CNTNAP2: variants seen among roughly 807,000 people sequenced by gnomAD.
The protein encoded by CNTNAP2 is contactin associated protein 2, also known as contactin-associated protein-like 2.
CNTNAP2 carries 98 observed loss-of-function variants against 155.2 expected under a neutral mutation model. The ratio of observed to expected loss-of-function variants is 0.63; its 90% confidence interval spans 0.54 to 0.75. The LOEUF (loss-of-function observed/expected upper bound fraction) is 0.75. CNTNAP2 is among the 30% of genes least tolerant of loss of function. CNTNAP2 has a pLI of 0.00. For synonymous variants in CNTNAP2, 651 were observed against 631.2 expected (o/e 1.03, Z -0.47); for missense variants, 1,727 against 1,688.1 (o/e 1.02, Z -0.40).
At chr7:146,185,290 GAGCAAGGAAC>G (rs1798607121) in intron 1 of CNTNAP2, among the ~76,000 whole-genome samples, 1 of 152,104 alleles carries the variant, frequency 6.6e-6, no homozygotes, top group African/African-American at 2.4e-5. Flanking sequence ...TGTTTAATTA[GAGCAAGGAAC>G]AGCAAACCAA....
intron 3 of CNTNAP2, among the ~76,000 whole-genome samples, chr7:146,872,389 GTAAA>G (rs748426715): frequency 1.3e-4 from 20 of 152,208 alleles, no homozygotes; most frequent in Non-Finnish European, 2.1e-4. Flanking sequence ...GTACTTTAAC[GTAAA>G]CCAATGCTGC....
At chr7:147,550,392 G>A (rs1301235044) in intron 11 of CNTNAP2, among the ~76,000 whole-genome samples, 1 of 152,138 alleles carries the variant, frequency 6.6e-6, no homozygotes. Context: ...TTATAAATAG[G>A]AGTTCCCCTG....
rs535600921 is a variant in CNTNAP2, at chr7:148,317,173, T to C, written c.3475+50047T>C. Among the ~76,000 whole-genome samples the C allele has an allele frequency of 5.9e-5, 9 of 152,232 alleles. No individual in the cohort carries two copies. The South Asian group carries it at 1.5e-3, about 25-fold the overall frequency. ...GAGTTTGAGACCATCCTGACCAACA[T>C]GGTGAAACTCTGTCTCTACAAAAAA... On this transcript the variant is annotated intron_variant, in intron 21 of 23. Transcript: ENST00000361727.
At chr7:147,360,802 C>G (rs1375691410) in intron 9 of CNTNAP2, among the ~76,000 whole-genome samples, 1 of 152,106 alleles carries the variant, frequency 6.6e-6, no homozygotes, top group Admixed American at 6.6e-5. Context: ...TTCCAACTCC[C>G]CATCCCTAAA....
chr7:147,632,505 G>A (rs1335103069), intron 12 of CNTNAP2, among the ~76,000 whole-genome samples: 1 of 152,140 alleles, frequency 6.6e-6, no homozygotes, highest in Non-Finnish European at 1.5e-5. Flanking sequence ...TTGCTGCCCT[G>A]TAAAGAGGTG....
At chr7:146,132,580 A>C (rs1294471746) in intron 1 of CNTNAP2, among the ~76,000 whole-genome samples, 4 of 99,336 alleles carry the variant, frequency 4.0e-5, no homozygotes, top group Admixed American at 1.4e-4. Flanking sequence ...CCCACCCCAC[A>C]ACAGTCCCCA....
intron 13 of CNTNAP2, among the ~76,000 whole-genome samples, chr7:147,845,189 C>A (rs1035033807): frequency 1.9e-5 from 2 of 105,066 alleles, no homozygotes; most frequent in African/African-American, 3.6e-5. Context: ...CCTCCTTGTA[C>A]CTCTGGTAGA....
intron 8 of CNTNAP2, among the ~76,000 whole-genome samples, chr7:147,210,935 G>A (rs1267498673): frequency 6.6e-6 from 1 of 151,530 alleles, no homozygotes; most frequent in Non-Finnish European, 1.5e-5. Context: ...TGATCTGAGA[G>A]AGTATGCTTC....
At chr7:146,134,468 A>G (rs1797766927) in intron 1 of CNTNAP2, among the ~76,000 whole-genome samples, 1 of 151,382 alleles carries the variant, frequency 6.6e-6, no homozygotes, top group Non-Finnish European at 1.5e-5. Flanking sequence ...GTGGTGAGAG[A>G]GGGCATCCCT....
chr7:146,927,619 A>C lies in CNTNAP2; in HGVS notation c.402+87715A>C, dbSNP rs974353383. 4.0e-5 allele frequency among the ~76,000 whole-genome samples: 6 copies of C among 149,620 alleles called. No homozygotes were observed. The East Asian group carries it at 1.2e-3, about 29-fold the overall frequency. ...ACTCCTGGAATAATAGCATGCATGCACTGCCTTTTTTTCGTTAAGGTAACA... is the reference window on the plus strand; with the variant it reads ...ACTCCTGGAATAATAGCATGCATGCCCTGCCTTTTTTTCGTTAAGGTAACA... On this transcript the variant is annotated intron_variant, in intron 3 of 23. Transcript: ENST00000361727.
At chr7:146,163,560 T>C (rs1798263413) in intron 1 of CNTNAP2, among the ~76,000 whole-genome samples, 1 of 129,918 alleles carries the variant, frequency 7.7e-6, no homozygotes, top group Admixed American at 7.6e-5. Context: ...TCTATATCTA[T>C]ATCTATCTAT....
chr7:146,981,805 T>G (rs1411572766), intron 3 of CNTNAP2, among the ~76,000 whole-genome samples: 2 of 152,154 alleles, frequency 1.3e-5, no homozygotes, highest in African/African-American at 2.4e-5. Flanking sequence ...TTAAATATTT[T>G]TATTTCAAAT....
chr7:146,912,638 C>T (rs955475509), intron 3 of CNTNAP2, among the ~76,000 whole-genome samples: 2 of 151,980 alleles, frequency 1.3e-5, no homozygotes, highest in Non-Finnish European at 2.9e-5. Flanking sequence ...AGAAAGAGTC[C>T]TTATTCTAAT....
At chr7:147,068,671 A>G (rs1016297494) in intron 4 of CNTNAP2, among the ~76,000 whole-genome samples, 3 of 152,084 alleles carry the variant, frequency 2.0e-5, no homozygotes, top group Non-Finnish European at 4.4e-5. Flanking sequence ...ACTCCATAAT[A>G]AATTTACTTT....
intron 17 of CNTNAP2, among the ~76,000 whole-genome samples, chr7:148,152,212 A>G (rs1231704526): frequency 2.0e-5 from 3 of 151,970 alleles, no homozygotes; most frequent in African/African-American, 7.2e-5. Flanking sequence ...ACAGCCAAGC[A>G]GAAGGACTGG....
At chr7:148,169,552 A>T (rs1414595397) in intron 17 of CNTNAP2, among the ~76,000 whole-genome samples, 2 of 152,260 alleles carry the variant, frequency 1.3e-5, no homozygotes, top group South Asian at 2.1e-4. Context: ...GGAAAATTTT[A>T]AAAACTTAAA....
At chr7:147,656,035 A>T (rs537910748) in intron 13 of CNTNAP2, among the ~76,000 whole-genome samples, 4 of 152,210 alleles carry the variant, frequency 2.6e-5, no homozygotes, top group Non-Finnish European at 5.9e-5. Context: ...CACATTACGA[A>T]GAAGGCTTCT....
intron 1 of CNTNAP2, among the ~76,000 whole-genome samples, chr7:146,736,272 A>G (rs1164975326): frequency 1.3e-5 from 2 of 152,064 alleles, no homozygotes; most frequent in Non-Finnish European, 2.9e-5. Context: ...GCGGATACCA[A>G]AGGATAATTG....
At chr7:147,603,812 C>A (rs1371400511) in intron 12 of CNTNAP2, among the ~76,000 whole-genome samples, 2 of 152,172 alleles carry the variant, frequency 1.3e-5, no homozygotes, top group African/African-American at 4.8e-5. Flanking sequence ...TGCTACCTGA[C>A]TTCAAACTAT....
Sources: gnomAD v4.1 joint callset for allele counts (sites outside exome capture counted in the v4.1 genomes callset) on GRCh38, gnomAD v4.1.1 for gene constraint, MANE v1.5 for transcripts, NCBI Gene and HGNC (gene_info 2026-07-23, HGNC 2026-07-21) for gene names.